Variants in FGF13 observed in about 807,000 individuals in gnomAD.
FGF13 encodes fibroblast growth factor 13.
Under a neutral mutation model 19.5 loss-of-function variants are expected in FGF13, and 2 were observed. That is an observed-to-expected ratio of 0.10 (90% CI 0.04 to 0.32). FGF13 has a LOEUF of 0.32. Ranked by LOEUF, FGF13 falls within the 10% of genes least tolerant of loss-of-function variation. The probability of loss-of-function intolerance (pLI) is 1.00; values close to 1 mark genes in which losing one functional copy is unlikely to be tolerated. For synonymous variants in FGF13, 72 were observed against 76.9 expected (o/e 0.94, Z 0.33); for missense variants, 113 against 192.7 (o/e 0.59, Z 2.45).
chrX:138,764,280 G>C (rs2090488979), intron 3 of FGF13, among the ~76,000 whole-genome samples: 1 of 112,264 alleles, frequency 8.9e-6, no homozygotes, highest in Non-Finnish European at 1.9e-5. Flanking sequence ...TTAACCCTGT[G>C]ATACTCTAGC....
chrX:138,929,868 G>C (rs866376896), intron 1 of FGF13, among the ~76,000 whole-genome samples: 4,244 of 102,926 alleles, frequency 0.041, 93 homozygotes, highest in Non-Finnish European at 0.058. Context: ...GTGTGTGTGT[G>C]TGTGTGTGTG....
At chrX:139,188,534 A>C (rs2084299269) in intron 1 of FGF13, among the ~76,000 whole-genome samples, 1 of 111,653 alleles carries the variant, frequency 9.0e-6, no homozygotes, top group Non-Finnish European at 1.9e-5. Context: ...GCACAACTCA[A>C]AGCCACACAC....
intron 1 of FGF13, among the ~76,000 whole-genome samples, chrX:139,125,793 G>A (rs1313829816): frequency 8.1e-5 from 9 of 111,250 alleles, no homozygotes; most frequent in Non-Finnish European, 1.3e-4. Context: ...AGTCTGGTAG[G>A]TGGAACGGAC....
intron 1 of FGF13, among the ~76,000 whole-genome samples, chrX:138,902,831 C>G (rs2091538469): frequency 1.8e-5 from 2 of 111,381 alleles, no homozygotes; most frequent in Non-Finnish European, 3.8e-5. Context: ...AGTAAAACCA[C>G]AAAATCATGT....
In FGF13 at chrX:138,660,084, T is replaced by TA. The variant is rs1021662444; in HGVS notation, c.403-24430dup. On this transcript the variant is annotated intron_variant, in intron 3 of 4. Transcript: ENST00000315930. ...GAACTTAAAGTATAATATTTTTTTT[T>TA]AAAAATGAACATTATAAACATAACC... Among the ~76,000 whole-genome samples, 24 of 111,612 alleles carry TA rather than the reference T, an allele frequency of 2.2e-4. 1 individual carries two copies. The highest frequency in any genetic ancestry group is 2.1e-3 in the Admixed American group (22 of 10,486).
At chrX:138,993,701 C>T (rs1415245355) in intron 1 of FGF13, among the ~76,000 whole-genome samples, 1 of 111,967 alleles carries the variant, frequency 8.9e-6, no homozygotes, top group Non-Finnish European at 1.9e-5. Context: ...GCTTTCTGCA[C>T]ATGATAGCTA....
chrX:138,895,450 A>G (rs1460459756), intron 1 of FGF13, among the ~76,000 whole-genome samples: 4 of 112,271 alleles, frequency 3.6e-5, no homozygotes, highest in Non-Finnish European at 7.5e-5. Context: ...ATTGGCCAAT[A>G]AGTATATGAA....
In FGF13 at chrX:138,632,868, G is replaced by T; in HGVS notation, c.720C>A (p.Ser240Arg). The T allele has an allele frequency of 5.8e-6, 7 of 1,209,109 alleles. No homozygotes were observed. Among genetic ancestry groups the T allele is most frequent in the Non-Finnish European group, 7.8e-6 (7 of 894,088 alleles). Residue 240 changes from serine to arginine, a missense_variant, in exon 5 of 5, where the codon AGC becomes AGA. Around this residue, in one of 4 missense-constraint regions of FGF13, gnomAD observed 43 missense variants for 41.4 expected, o/e 1.04. Coordinates refer to ENST00000315930, the MANE Select transcript of FGF13 (RefSeq NM_004114.5). ...TCACTGGCTACGTTGATTCATTGTG[G>T]CTCATGGATTTGCCTCCGTTCAGCA... Reference protein sequence around the residue: ...SGVLNGGKSMSHNEST With the variant: ...SGVLNGGKSMRHNEST
At chrX:139,055,856 G>A (rs2092319348) in intron 1 of FGF13, among the ~76,000 whole-genome samples, 1 of 112,192 alleles carries the variant, frequency 8.9e-6, no homozygotes, top group Admixed American at 9.4e-5. Context: ...TGTGATAAGG[G>A]CTCTTTTCAA....
chrX:138,724,160 C>A (rs1022125443), intron 1 of FGF13, among the ~76,000 whole-genome samples: 1 of 111,790 alleles, frequency 8.9e-6, no homozygotes, highest in African/African-American at 3.3e-5. Flanking sequence ...AGAGAAGCTG[C>A]ACGGAAATAG....
intron 1 of FGF13, among the ~76,000 whole-genome samples, chrX:139,113,082 A>C (rs1304667485): frequency 1.8e-5 from 2 of 109,134 alleles, no homozygotes; most frequent in South Asian, 8.3e-4. Context: ...AGTAGTGCCA[A>C]GACACTAAGT....
intron 3 of FGF13, among the ~76,000 whole-genome samples, chrX:138,842,482 A>G (rs768909711): frequency 9.0e-5 from 10 of 111,120 alleles, no homozygotes; most frequent in Non-Finnish European, 1.7e-4. Context: ...AGTAAGGCGG[A>G]GTTTGAATTA....
chrX:138,905,474 T>C (rs1203551956), intron 1 of FGF13, among the ~76,000 whole-genome samples: 2 of 111,652 alleles, frequency 1.8e-5, no homozygotes, highest in Non-Finnish European at 3.8e-5. Flanking sequence ...TGACAGTGCA[T>C]GGGAGACCCC....
intron 1 of FGF13, among the ~76,000 whole-genome samples, chrX:139,108,656 A>T: frequency 9.0e-6 from 1 of 110,867 alleles, no homozygotes; most frequent in Non-Finnish European, 1.9e-5. Flanking sequence ...ATGGATTTTT[A>T]TATATATATT....
chrX:139,141,983 C>T (rs2083849314), intron 1 of FGF13, among the ~76,000 whole-genome samples: 1 of 111,413 alleles, frequency 9.0e-6, no homozygotes, highest in African/African-American at 3.3e-5. Context: ...GCCTAAGAAG[C>T]CGAAAAAGAG....
chrX:139,096,467 G>T (rs781427798), intron 1 of FGF13, among the ~76,000 whole-genome samples: 1 of 112,033 alleles, frequency 8.9e-6, no homozygotes, highest in Admixed American at 9.5e-5. Context: ...CTAGTTTTGT[G>T]TGGCTGGAAC....
At position 138,881,587 on chromosome X, in the gene FGF13, T is replaced by G. The variant is rs2091425183; in HGVS notation, c.-112-16937A>C. 3.6e-5 allele frequency among the ~76,000 whole-genome samples: 4 copies of G among 111,942 alleles called. No individual in the cohort carries two copies. In the Admixed American group the frequency reaches 3.8e-4, roughly 11 times the overall value. ...CAAATTACGGATTCCATCTCCTTAC[T>G]TGTTGTCAGTCTATTTAGATATTCT... On this transcript the variant is annotated intron_variant, in intron 1 of 2. Transcript: ENST00000421460.
chrX:138,954,216 T>G (rs188040866), intron 1 of FGF13, among the ~76,000 whole-genome samples: 1 of 110,828 alleles, frequency 9.0e-6, no homozygotes, highest in East Asian at 2.9e-4. Context: ...CCATGAATAT[T>G]TATTTACTGA....
chrX:138,966,748 G>A lies in FGF13; in HGVS notation c.-112-102098C>T, dbSNP rs996415759. Among the ~76,000 whole-genome samples the A allele has an allele frequency of 4.5e-5, 5 of 111,344 alleles. No homozygotes were observed. In the East Asian group the frequency reaches 1.1e-3, roughly 25 times the overall value. On this transcript the variant is annotated intron_variant, in intron 1 of 2. Transcript: ENST00000421460. ...AAATGTGAGGACATGAGATCTGGGA[G>A]TGGCCAGGGGTGAAATGATATGGTT...
Sources: gnomAD v4.1 joint callset for allele counts (sites outside exome capture counted in the v4.1 genomes callset) on GRCh38, gnomAD v4.1.1 for gene constraint, gnomAD v4.1.1 regional missense constraint, MANE v1.5 for transcripts, NCBI Gene and HGNC (gene_info 2026-07-23, HGNC 2026-07-21) for gene names.